The following CNKSR2 variants were observed in gnomAD, a reference collection of about 807,000 sequenced individuals.
CNKSR2 encodes the protein connector enhancer of kinase suppressor of Ras 2, also known as CNK homolog protein 2.
A neutral mutation model predicts 84.4 loss-of-function variants in CNKSR2; 14 were observed. That is an observed-to-expected ratio of 0.17 (90% CI 0.11 to 0.26). The LOEUF (loss-of-function observed/expected upper bound fraction) is 0.26, where lower values mean the gene tolerates loss of function less well. Ranked by LOEUF, CNKSR2 falls within the 10% of genes least tolerant of loss-of-function variation. The pLI is 1.00. For missense variants in CNKSR2, 485 were observed against 771.2 expected (o/e 0.63, Z 4.40); for synonymous variants, 275 against 277.9 (o/e 0.99, Z 0.10).
chrX:21,571,665 C>T (rs1374052117), intron 13 of CNKSR2, among the ~76,000 whole-genome samples: 1 of 112,011 alleles, frequency 8.9e-6, no homozygotes, highest in East Asian at 2.8e-4. Context: ...AAAATTCACA[C>T]CTTTGTGTGA....
At position 21,648,925 on chromosome X, in the gene CNKSR2, T is replaced by C; in HGVS notation, c.2787T>C (p.Ile929=). 8.3e-7 allele frequency: 1 copy of C among 1,201,595 alleles called. No homozygotes were observed. Among genetic ancestry groups the C allele is most frequent in the East Asian group, 3.0e-5 (1 of 33,752 alleles). Residue 929 remains isoleucine (I), a synonymous_variant, in exon 21 of 22, where the codon ATT becomes ATC. Coordinates refer to ENST00000379510, the MANE Select transcript of CNKSR2 (RefSeq NM_014927.5). ...ASLSPLGEHR[I]STKMEYKLSF... is the part of the protein sequence containing the mutation. ...TGTCACCACTAGGAGAACATCGTAT[T>C]TCAACCAAGATGGAATACAAGCTAT...
chrX:21,470,708 TA>T, intron 4 of CNKSR2, 57 bp from the exon 5 acceptor site: 1 of 608,190 alleles, frequency 1.6e-6, no homozygotes, highest in East Asian at 3.7e-5. Flanking sequence ...TCTAAGAAAA[TA>T]TTTTTAAAAG....
chrX:21,648,790 CTT>C (rs760690886), intron 20 of CNKSR2, 39 bp from the exon 21 acceptor site: 5 of 660,731 alleles, frequency 7.6e-6, no homozygotes, highest in South Asian at 3.8e-5. Context: ...CTCTCTCTCT[CTT>C]TCTTTTTTTT....
intron 1 of CNKSR2, among the ~76,000 whole-genome samples, chrX:21,402,979 G>A (rs904538959): frequency 1.8e-5 from 2 of 111,020 alleles, no homozygotes; most frequent in Non-Finnish European, 3.8e-5. Flanking sequence ...AGATCATTGG[G>A]GAAAAGATGT....
intron 6 of CNKSR2, chrX:21,493,693 A>G (rs989558115): frequency 1.8e-5 from 2 of 111,627 alleles, no homozygotes; most frequent in African/African-American, 3.3e-5. Flanking sequence ...AATGAATCAG[A>G]TGTATTTCTC....
At chrX:21,632,446 T>C (rs910800064) in intron 20 of CNKSR2, among the ~76,000 whole-genome samples, 1 of 111,912 alleles carries the variant, frequency 8.9e-6, no homozygotes, top group African/African-American at 3.2e-5. Flanking sequence ...GCTTTTAAAG[T>C]GTTTATTGAT....
At chrX:21,539,133 C>A (rs2091954837) in intron 11 of CNKSR2, among the ~76,000 whole-genome samples, 1 of 112,440 alleles carries the variant, frequency 8.9e-6, no homozygotes, top group Non-Finnish European at 1.9e-5. Flanking sequence ...CACTTAAATT[C>A]AAATGTTTGG....
chrX:21,562,364 C>A (rs2092199138), intron 12 of CNKSR2, among the ~76,000 whole-genome samples: 1 of 111,316 alleles, frequency 9.0e-6, no homozygotes, highest in Non-Finnish European at 1.9e-5. Flanking sequence ...ATGTTTGACC[C>A]GTTTTCTTGT....
intron 20 of CNKSR2, among the ~76,000 whole-genome samples, chrX:21,625,441 G>A (rs2147309852): frequency 8.9e-6 from 1 of 111,885 alleles, no homozygotes; most frequent in South Asian, 3.7e-4. Context: ...CAAAGTAGCA[G>A]GGTGGTGAGG....
At chrX:21,594,542 G>C (rs967507378) in intron 15 of CNKSR2, 1 of 112,301 alleles carries the variant, frequency 8.9e-6, no homozygotes, top group Non-Finnish European at 1.9e-5. Flanking sequence ...TAAGAGATTT[G>C]TTGGAGGAAA....
chrX:21,652,555 T>A lies in CNKSR2; in HGVS notation c.*34T>A. The A allele has an allele frequency of 5.8e-6, 6 of 1,029,323 alleles. No individual in the cohort carries two copies. The highest frequency in any genetic ancestry group is 8.2e-6 in the Non-Finnish European group (6 of 732,086). The allele number at this position is 1,029,323 out of a possible 1,213,427, so 84.8% of individuals were successfully genotyped here. A position where few individuals can be genotyped will look rare whatever the true frequency, so the allele number is the denominator to read the frequency against. On this transcript the variant is annotated 3_prime_UTR_variant, in exon 22 of 22. Coordinates refer to ENST00000379510, the MANE Select transcript of CNKSR2 (RefSeq NM_014927.5). The stretch of plus-strand genomic sequence containing the variant: ...TGCCTTCAGACCATCTAGTACCTGC[T>A]GGTACTCTGAACAAGTATATAAGGT...
intron 10 of CNKSR2, among the ~76,000 whole-genome samples, chrX:21,528,976 T>C (rs1178443005): frequency 1.8e-5 from 2 of 110,940 alleles, no homozygotes; most frequent in East Asian, 5.7e-4. Flanking sequence ...GCCTTGGCAC[T>C]TTTTTCCTAT....
intron 3 of CNKSR2, among the ~76,000 whole-genome samples, chrX:21,438,055 AGAGAGCCTATAATACACTGTG>A (rs1385168247): frequency 1.8e-5 from 2 of 112,195 alleles, no homozygotes; most frequent in African/African-American, 6.5e-5. Context: ...AGTTCATGAA[AGAGAGCCTATAATACACTGTG>A]GTGTAGTCAT....
intron 1 of CNKSR2, among the ~76,000 whole-genome samples, chrX:21,392,084 A>C (rs2090058621): frequency 9.0e-6 from 1 of 111,674 alleles, no homozygotes. Flanking sequence ...TTTCCATATG[A>C]GGTTACCTCA....
chrX:21,629,251 C>T (rs1235083149), intron 20 of CNKSR2, among the ~76,000 whole-genome samples: 2 of 112,126 alleles, frequency 1.8e-5, no homozygotes, highest in Non-Finnish European at 3.8e-5. Context: ...TTCAACAAGT[C>T]TCTAGGGAGT....
intron 13 of CNKSR2, among the ~76,000 whole-genome samples, chrX:21,568,276 A>G (rs1053623544): frequency 9.0e-5 from 10 of 111,679 alleles, no homozygotes; most frequent in African/African-American, 3.3e-4. Context: ...TGACAGAGTG[A>G]GACACTGTCT....
chrX:21,516,344 G>T, intron 8 of CNKSR2, 141 bp from the exon 9 acceptor site: 1 of 558,678 alleles, frequency 1.8e-6, no homozygotes, highest in Non-Finnish European at 2.9e-6. Context: ...AAAATTTATT[G>T]AGTATGTATC....
chrX:21,398,498 T>C (rs140549783), intron 1 of CNKSR2, among the ~76,000 whole-genome samples: 1,698 of 111,962 alleles, frequency 0.015, 19 homozygotes, highest in African/African-American at 0.052. Context: ...GGCAAAAACA[T>C]GTAACTTAAT....
At chrX:21,595,809 T>C (rs1426432685) in intron 17 of CNKSR2, among the ~76,000 whole-genome samples, 1 of 111,949 alleles carries the variant, frequency 8.9e-6, no homozygotes. Context: ...AGTATTTCTT[T>C]CTGTCACTTT....
Sources: gnomAD v4.1 joint callset for allele counts (sites outside exome capture counted in the v4.1 genomes callset) on GRCh38, gnomAD v4.1.1 for gene constraint, MANE v1.5 for transcripts, NCBI Gene and HGNC (gene_info 2026-07-23, HGNC 2026-07-21) for gene names.